The following METTL2A variants were observed in gnomAD, a reference collection of about 807,000 sequenced individuals.
The protein encoded by METTL2A is tRNA N(3)-cytidine methyltransferase METTL2A.
A neutral mutation model predicts 49.4 loss-of-function variants in METTL2A; 45 were observed. That is an observed-to-expected ratio of 0.91 (90% confidence interval 0.72 to 1.17). The LOEUF (loss-of-function observed/expected upper bound fraction) is 1.17, where lower values mean the gene tolerates loss of function less well. METTL2A is among the 50% of genes most tolerant of loss of function. METTL2A has a pLI of 0.00. For synonymous variants in METTL2A, 118 were observed against 167.5 expected (o/e 0.70, Z 2.28); for missense variants, 361 against 462.2 (o/e 0.78, Z 2.01).
intron 7 of METTL2A, among the ~76,000 whole-genome samples, chr17:62,446,918 G>T (rs576451223): frequency 6.6e-6 from 1 of 152,186 alleles, no homozygotes; most frequent in African/African-American, 2.4e-5. Context: ...ATTCAGGAAG[G>T]TCTAGAAGTA....
rs1230884554 is a variant in METTL2A, at chr17:62,451,759, G to A, written c.*3030G>A. Among the ~76,000 whole-genome samples the A allele has an allele frequency of 2.6e-5, 4 of 152,078 alleles. No individual in the cohort carries two copies. Among genetic ancestry groups the A allele is most frequent in the Non-Finnish European group, 4.4e-5 (3 of 68,022 alleles). On this transcript the variant is annotated 3_prime_UTR_variant, in exon 9 of 9. Coordinates refer to ENST00000311506, the MANE Select transcript of METTL2A (RefSeq NM_181725.4). ...ATACAAAATAGCCAGGTGTGATGGC[G>A]CATGCCTGTAACCCCATCCACTTGG... is the stretch of plus-strand genomic sequence containing the variant.
Position 62,440,642 on chromosome 17 carries a change from G to A in METTL2A, c.695G>A (p.Arg232Gln), listed in dbSNP as rs768009312. ...VQTNSEYDPS[R>Q]CFAFVHDLCD... ...ACAAATTCAGAATATGATCCTTCTC[G>A]GTGTTTTGCCTTTGTTCACGACCTG... is the stretch of plus-strand genomic sequence containing the variant. The change falls in exon 6 of 9, where the codon CGG (arginine) becomes CAG (glutamine). Residue 232 changes from arginine (R) to glutamine (Q), a missense_variant. This residue lies in a region of METTL2A where 183 missense variants were observed against 216.5 expected (regional missense o/e 0.85). Coordinates refer to ENST00000311506, the MANE Select transcript of METTL2A (RefSeq NM_181725.4). 2.2e-5 allele frequency: 36 copies of A among 1,612,954 alleles called. No individual in the cohort carries two copies. Among genetic ancestry groups the A allele is most frequent in the Admixed American group, 1.8e-4 (11 of 59,732 alleles).
Position 62,444,933 on chromosome 17 carries a change from G to T in METTL2A, c.906G>T (p.Arg302=), listed in dbSNP as rs374284706. 6.2e-7 allele frequency: 1 copy of T among 1,613,686 alleles called. No homozygotes were observed. The highest frequency in any genetic ancestry group is 1.3e-5 in the African/African-American group (1 of 74,998). The change falls in exon 7 of 9, where the codon CGG becomes CGT. Residue 302 remains arginine, a synonymous_variant. Transcript: ENST00000311506. ...GCCGCTATGACATGGCTCAGCTTCGGTTTAAAAAAGGTATTTTGAAAGTGC... is the reference window on the plus strand; with the variant it reads ...GCCGCTATGACATGGCTCAGCTTCGTTTTAAAAAAGGTATTTTGAAAGTGC... ...DYGRYDMAQL[R]FKKGQCLSGN...
intron 7 of METTL2A, among the ~76,000 whole-genome samples, chr17:62,445,985 C>A (rs187423060): frequency 2.0e-4 from 31 of 152,050 alleles, no homozygotes; most frequent in Admixed American, 1.8e-3. Flanking sequence ...AGATCAGTGA[C>A]CCACCCAAAA....
At position 62,439,933 on chromosome 17, in the gene METTL2A, A is replaced by G. The variant is rs962002066; in HGVS notation, c.670-684A>G. 3.3e-5 allele frequency among the ~76,000 whole-genome samples: 5 copies of G among 152,080 alleles called. 1 individual carries two copies. The highest frequency in any genetic ancestry group is 9.7e-5 in the African/African-American group (4 of 41,414). Reference sequence around the variant, plus strand: ...TTAGATTCCTCACTGTCTCCCTTCAATTATTCCTGATCTTTACTCTTTGAG... The same window carrying G: ...TTAGATTCCTCACTGTCTCCCTTCAGTTATTCCTGATCTTTACTCTTTGAG... On this transcript the variant is annotated intron_variant, in intron 5 of 8. Coordinates refer to ENST00000311506, the MANE Select transcript of METTL2A (RefSeq NM_181725.4).
intron 2 of METTL2A, among the ~76,000 whole-genome samples, chr17:62,424,721 G>A (rs11651893): frequency 1.3e-5 from 2 of 151,632 alleles, no homozygotes; most frequent in Non-Finnish European, 2.9e-5. Flanking sequence ...TGTTGGGAGG[G>A]GGGCTAGTGA....
chr17:62,453,237 C>T lies in METTL2A; in HGVS notation c.*4508C>T, dbSNP rs1353278759. Reference sequence around the variant, plus strand: ...ATCTGCTAAGCTCGACTTTTTATCTCTCAGGCCAAATTTGACTCTGCAAGG... The same window carrying T: ...ATCTGCTAAGCTCGACTTTTTATCTTTCAGGCCAAATTTGACTCTGCAAGG... On this transcript the variant is annotated 3_prime_UTR_variant, in exon 9 of 9. Transcript: ENST00000311506. Among the ~76,000 whole-genome samples, 1 of 152,178 alleles carries T rather than the reference C, an allele frequency of 6.6e-6. No individual in the cohort carries two copies. The highest frequency in any genetic ancestry group is 1.5e-5 in the Non-Finnish European group (1 of 68,040).
intron 5 of METTL2A, among the ~76,000 whole-genome samples, chr17:62,436,921 C>CA (rs1239077545): frequency 6.6e-6 from 1 of 152,054 alleles, no homozygotes; most frequent in Non-Finnish European, 1.5e-5. Context: ...CATTTCAAAA[C>CA]AAAAAACCTT....
intron 5 of METTL2A, among the ~76,000 whole-genome samples, chr17:62,438,844 G>A (rs1308826240): frequency 6.6e-6 from 1 of 152,058 alleles, no homozygotes; most frequent in Non-Finnish European, 1.5e-5. Context: ...TTGAGACAGG[G>A]TCTCAGTCAC....
chr17:62,446,972 GC>G, intron 7 of METTL2A, among the ~76,000 whole-genome samples: 1 of 152,196 alleles, frequency 6.6e-6, no homozygotes, highest in Admixed American at 6.6e-5. Context: ...GAGGTTAGCA[GC>G]AGAAGGGAAA....
chr17:62,453,286 C>G lies in METTL2A; in HGVS notation c.*4557C>G, dbSNP rs745990211. Reference sequence around the variant, plus strand: ...GGGACTTTGCATAACGTTTCATCCTCAGAATCGCTAATGATGGGCAGAGGA... The same window carrying G: ...GGGACTTTGCATAACGTTTCATCCTGAGAATCGCTAATGATGGGCAGAGGA... On this transcript the variant is annotated 3_prime_UTR_variant, in exon 9 of 9. Transcript: ENST00000311506. Among the ~76,000 whole-genome samples the G allele has an allele frequency of 6.6e-6, 1 of 152,194 alleles. No homozygotes were observed. The highest frequency in any genetic ancestry group is 1.5e-5 in the Non-Finnish European group (1 of 68,042).
At chr17:62,448,201 A>G (rs1463230842) in intron 8 of METTL2A, among the ~76,000 whole-genome samples, 1 of 152,082 alleles carries the variant, frequency 6.6e-6, no homozygotes, top group Non-Finnish European at 1.5e-5. Flanking sequence ...GGCCTTCCAA[A>G]TTCTCCGTTC....
At chr17:62,441,639 G>A (rs377545649) in intron 6 of METTL2A, among the ~76,000 whole-genome samples, 11 of 151,324 alleles carry the variant, frequency 7.3e-5, no homozygotes, top group African/African-American at 2.7e-4. Context: ...TAGATGCGGG[G>A]TTTCACCATG....
intron 4 of METTL2A, among the ~76,000 whole-genome samples, chr17:62,430,789 C>T (rs1164735822): frequency 2.0e-5 from 3 of 152,152 alleles, no homozygotes; most frequent in Admixed American, 6.6e-5. Flanking sequence ...AGCAATTATC[C>T]TGCCTCAGCC....
chr17:62,448,769 T>G lies in METTL2A; in HGVS notation c.*40T>G. On this transcript the variant is annotated 3_prime_UTR_variant, in exon 9 of 9. Coordinates refer to ENST00000311506, the MANE Select transcript of METTL2A (RefSeq NM_181725.4). ...CAACACGATGCAAGCCCATTGTGTT[T>G]CCGGGCTTTTTTAAAAAAAAAATTG... is the stretch of plus-strand genomic sequence containing the variant. 1 of 1,603,486 alleles carries G rather than the reference T, an allele frequency of 6.2e-7. No homozygotes were observed. Among genetic ancestry groups the G allele is most frequent in the South Asian group, 1.1e-5 (1 of 89,936 alleles).
intron 7 of METTL2A, 49 bp from the exon 8 acceptor site, chr17:62,447,652 C>T (rs753463210): frequency 8.9e-5 from 143 of 1,606,260 alleles, no homozygotes; most frequent in Non-Finnish European, 1.1e-4. Context: ...CAATGCGAGT[C>T]AAAGAAGTGC....
At chr17:62,444,649 C>T (rs890987474) in intron 6 of METTL2A, among the ~76,000 whole-genome samples, 188 bp from the exon 7 acceptor site, 2 of 152,116 alleles carry the variant, frequency 1.3e-5, no homozygotes, top group Non-Finnish European at 2.9e-5. Context: ...GGCAGTGGAT[C>T]GAGGCCACAG....
chr17:62,433,169 C>T (rs1825432903), intron 4 of METTL2A, among the ~76,000 whole-genome samples: 1 of 152,130 alleles, frequency 6.6e-6, no homozygotes, highest in African/African-American at 2.4e-5. Flanking sequence ...CGTGGTGGCT[C>T]ACTCTTGTAA....
intron 1 of METTL2A, 100 bp from the exon 2 acceptor site, chr17:62,424,119 C>T: frequency 1.3e-6 from 2 of 1,588,226 alleles, no homozygotes; most frequent in Non-Finnish European, 1.7e-6. Context: ...GCTGCCCTAC[C>T]CGAGGCACTC....
Sources: gnomAD v4.1 joint callset for allele counts (sites outside exome capture counted in the v4.1 genomes callset) on GRCh38, gnomAD v4.1.1 for gene constraint, gnomAD v4.1.1 regional missense constraint, MANE v1.5 for transcripts, NCBI Gene and HGNC (gene_info 2026-07-23, HGNC 2026-07-21) for gene names.